Variants in ANO2 observed in about 807,000 individuals in gnomAD.
The protein encoded by ANO2 is anoctamin 2.
Under a neutral mutation model 124.2 loss-of-function variants are expected in ANO2, and 101 were observed. The ratio of observed to expected loss-of-function variants is 0.81; its 90% confidence interval spans 0.69 to 0.96. ANO2 has a LOEUF of 0.96. Among genes scored for constraint, ANO2 ranks in the 40% least tolerant of loss-of-function variants. The probability of loss-of-function intolerance (pLI) is 0.00; values close to 1 mark genes in which losing one functional copy is unlikely to be tolerated. For synonymous variants in ANO2, 486 were observed against 482.5 expected (o/e 1.01, Z -0.09); for missense variants, 1,293 against 1,274.5 (o/e 1.01, Z -0.22).
chr12:5,842,673 G>A (rs893268047), intron 4 of ANO2, among the ~76,000 whole-genome samples: 5 of 152,246 alleles, frequency 3.3e-5, no homozygotes, highest in South Asian at 2.1e-4. Flanking sequence ...CTGATAAAAC[G>A]GTTTAGATTA....
At chr12:5,570,509 A>AT (rs750529820) in intron 23 of ANO2, among the ~76,000 whole-genome samples, 2 of 152,092 alleles carry the variant, frequency 1.3e-5, no homozygotes, top group South Asian at 2.1e-4. Flanking sequence ...CAAAGTCTCC[A>AT]TTTTTACAGA....
At chr12:5,926,780 G>A (rs922509416) in intron 1 of ANO2, among the ~76,000 whole-genome samples, 3 of 152,298 alleles carry the variant, frequency 2.0e-5, no homozygotes, top group East Asian at 1.9e-4. Flanking sequence ...GTGCAGGATT[G>A]GGAGGAGGTG....
chr12:5,585,819 C>A (rs754761358), intron 20 of ANO2, among the ~76,000 whole-genome samples: 6 of 152,178 alleles, frequency 3.9e-5, no homozygotes, highest in Non-Finnish European at 8.8e-5. Flanking sequence ...TACTGAGGAC[C>A]TTTCTTTGCT....
At chr12:5,922,550 A>G in intron 2 of ANO2, 70 bp downstream of exon 2, 1 of 1,458,020 alleles carries the variant, frequency 6.9e-7, no homozygotes. Context: ...GATCCCCCAG[A>G]CCAGAGGCTC....
At chr12:5,633,015 T>C (rs1178049925) in intron 16 of ANO2, among the ~76,000 whole-genome samples, 1 of 152,146 alleles carries the variant, frequency 6.6e-6, no homozygotes, top group Admixed American at 6.5e-5. Flanking sequence ...TGGTGCTAGA[T>C]CAGGACCACA....
At chr12:5,886,858 G>A (rs1437163553) in intron 3 of ANO2, among the ~76,000 whole-genome samples, 1 of 152,182 alleles carries the variant, frequency 6.6e-6, no homozygotes, top group Non-Finnish European at 1.5e-5. Context: ...AACATTGCAT[G>A]ATTCCACTTA....
At chr12:5,668,839 G>A (rs1315537952) in intron 14 of ANO2, among the ~76,000 whole-genome samples, 12 of 152,068 alleles carry the variant, frequency 7.9e-5, no homozygotes, top group East Asian at 1.9e-4. Context: ...CAGATTTCTC[G>A]AAGATCAGAT....
intron 9 of ANO2, among the ~76,000 whole-genome samples, chr12:5,802,614 G>A (rs1302669398): frequency 1.3e-5 from 2 of 152,218 alleles, no homozygotes; most frequent in Admixed American, 1.3e-4. Context: ...GTGAAGGGAG[G>A]CACACTCTGG....
chr12:5,929,218 C>T (rs1942234297), intron 1 of ANO2, among the ~76,000 whole-genome samples: 1 of 133,444 alleles, frequency 7.5e-6, no homozygotes, highest in Non-Finnish European at 1.6e-5. Flanking sequence ...ACCTTCTTTC[C>T]TTATTAGTCA....
intron 13 of ANO2, among the ~76,000 whole-genome samples, chr12:5,738,674 G>A (rs1018343590): frequency 5.9e-5 from 9 of 152,298 alleles, no homozygotes; most frequent in East Asian, 1.9e-4. Context: ...GAGCAAGCAC[G>A]ACACACTGCC....
In ANO2 at chr12:5,698,822, G is replaced by A. The variant is rs191489664; in HGVS notation, c.1545+33698C>T. ...ATGCACAAGCTTCAGTAGCTGATTC[G>A]ATCAACTGGAAGACAGGGTATCAGT... On this transcript the variant is annotated intron_variant, in intron 14 of 24. Transcript: ENST00000682330. 1.4e-3 allele frequency among the ~76,000 whole-genome samples: 212 copies of A among 152,294 alleles called. 1 individual carries two copies. Among genetic ancestry groups the A allele is most frequent in the Non-Finnish European group, 2.2e-3 (150 of 68,020 alleles).
At chr12:5,921,473 G>A (rs1330466030) in intron 2 of ANO2, 107 bp from the exon 3 acceptor site, 9 of 1,117,926 alleles carry the variant, frequency 8.1e-6, no homozygotes, top group African/African-American at 1.6e-5. Flanking sequence ...TCAGAAGCAA[G>A]CCTCTCAGGC....
At chr12:5,695,903 T>C (rs1949153004) in intron 14 of ANO2, among the ~76,000 whole-genome samples, 1 of 152,170 alleles carries the variant, frequency 6.6e-6, no homozygotes. Context: ...AATTGAATTT[T>C]TAAGATATGA....
intron 14 of ANO2, among the ~76,000 whole-genome samples, chr12:5,709,798 TG>T (rs1347823443): frequency 2.0e-5 from 3 of 152,224 alleles, no homozygotes; most frequent in Non-Finnish European, 4.4e-5. Context: ...CCTCATCAGC[TG>T]TTCTGTAAGG....
At chr12:5,734,811 C>A (rs1012433020) in intron 13 of ANO2, among the ~76,000 whole-genome samples, 3 of 152,078 alleles carry the variant, frequency 2.0e-5, no homozygotes, top group Admixed American at 1.3e-4. Context: ...CCAGGCCCAG[C>A]TGATTTTTTT....
In ANO2 at chr12:5,722,365, G is replaced by A. The variant is rs1950265121; in HGVS notation, c.1545+10155C>T. On this transcript the variant is annotated intron_variant, in intron 14 of 24. Coordinates refer to ENST00000682330, the MANE Select transcript of ANO2 (RefSeq NM_001364791.2). ...ATTAAAAATACAAAAAAATTAGCCG[G>A]GCGCAGTGGCGGGCGCCTGTAGTCC... Among the ~76,000 whole-genome samples, 7 of 152,232 alleles carry A rather than the reference G, an allele frequency of 4.6e-5. No homozygotes were observed. The South Asian group carries it at 1.5e-3, about 32-fold the overall frequency.
At chr12:5,590,106 C>T (rs969649821) in intron 20 of ANO2, among the ~76,000 whole-genome samples, 2 of 152,134 alleles carry the variant, frequency 1.3e-5, no homozygotes, top group Non-Finnish European at 2.9e-5. Context: ...TCCTAAGATA[C>T]CCTATTGCAA....
chr12:5,814,519 C>T (rs922294757), intron 7 of ANO2, among the ~76,000 whole-genome samples: 4 of 151,680 alleles, frequency 2.6e-5, no homozygotes, highest in African/African-American at 9.7e-5. Context: ...ACTTCATTTT[C>T]ATCTCCTTTA....
chr12:5,746,892 T>C (rs1346890370), intron 11 of ANO2, among the ~76,000 whole-genome samples: 1 of 152,244 alleles, frequency 6.6e-6, no homozygotes, highest in African/African-American at 2.4e-5. Context: ...TCTCTGTTCA[T>C]GTAAGTGCTT....
Sources: allele counts gnomAD v4.1 joint callset (sites outside exome capture counted in the v4.1 genomes callset), GRCh38; gene constraint gnomAD v4.1.1; transcripts MANE v1.5; gene names NCBI Gene and HGNC (gene_info 2026-07-23, HGNC 2026-07-21).